LTBP4: variants seen among roughly 807,000 people sequenced by gnomAD.
The protein encoded by LTBP4 is latent transforming growth factor beta binding protein 4.
In LTBP4, 93 loss-of-function variants were observed where a neutral mutation model predicts 180.2. The observed-to-expected ratio is 0.52, with a 90% CI of 0.44 to 0.61. The LOEUF is 0.61. Ranked by LOEUF, LTBP4 falls within the 20% of genes least tolerant of loss-of-function variation. The probability of loss-of-function intolerance (pLI) is 0.00; values close to 1 mark genes in which losing one functional copy is unlikely to be tolerated. For missense variants in LTBP4, 2,116 were observed against 2,256.5 expected, an observed-to-expected ratio of 0.94 and a Z score of 1.26; for synonymous variants, 947 against 934.5, an observed-to-expected ratio of 1.01 and a Z score of -0.24.
At chr19:40,619,533 C>A in intron 22 of LTBP4, 40 bp downstream of exon 22, 1 of 1,557,034 alleles carries the variant, frequency 6.4e-7, no homozygotes. Flanking sequence ...GCGGCTGGCC[C>A]CATGGGAAAA....
At position 40,611,174 on chromosome 19, in the gene LTBP4, C is replaced by G. The variant is rs1484299783; in HGVS notation, c.1833C>G (p.Ser611Arg). The G allele has an allele frequency of 6.2e-7, 1 of 1,613,976 alleles. No individual in the cohort carries two copies. Among genetic ancestry groups the G allele is most frequent in the African/African-American group, 1.3e-5 (1 of 75,046 alleles). ...CAGATGTGGATGAATGCACCCAGAG[C>G]CCAGGCCTGTGTGGCCGAGGGGCCT... is the stretch of plus-strand genomic sequence containing the variant. ...SCQDVDECTQ[S>R]PGLCGRGACK... The change falls in exon 13 of 30, where the codon AGC becomes AGG. Residue 611 changes from serine to arginine, a missense_variant. Transcript: ENST00000396819. This position sits in a 1 kb window ranked among gnomAD's most constrained non-coding sequence, Gnocchi z 4.4.
At chr19:40,600,348 G>A (rs2081415292), upstream of LTBP4, among the ~76,000 whole-genome samples, 1 of 152,206 alleles carries the variant, frequency 6.6e-6, no homozygotes, top group African/African-American at 2.4e-5. This position sits in a 1 kb window ranked among gnomAD's most constrained non-coding sequence, Gnocchi z 4.4. Flanking sequence ...TGCGAGGTGA[G>A]CCCGGGACAG....
At chr19:40,625,102 G>A (rs554751840) in intron 26 of LTBP4, among the ~76,000 whole-genome samples, 11 of 149,794 alleles carry the variant, frequency 7.3e-5, no homozygotes, top group Non-Finnish European at 1.6e-4. Context: ...TTTGAGACAA[G>A]ATCTCGCTCT....
intron 7 of LTBP4, among the ~76,000 whole-genome samples, chr19:40,607,978 C>T (rs1599863310): frequency 6.6e-6 from 1 of 152,204 alleles, no homozygotes; most frequent in African/African-American, 2.4e-5. Flanking sequence ...TAGACCCAAC[C>T]GGACCCTGCC....
intron 1 of LTBP4, chr19:40,594,519 T>G (rs2081380995): frequency 6.6e-6 from 1 of 151,994 alleles, no homozygotes; most frequent in Non-Finnish European, 1.5e-5. Flanking sequence ...GGGAGAAATT[T>G]CAGCAGCGCC....
At chr19:40,627,905 T>A in intron 29 of LTBP4, 48 bp downstream of exon 29, 4 of 1,526,448 alleles carry the variant, frequency 2.6e-6, no homozygotes, top group Non-Finnish European at 3.5e-6. Flanking sequence ...GCGAGGCTTG[T>A]CCAGGGAGGG....
At position 40,605,077 on chromosome 19, in the gene LTBP4, A is replaced by G; in HGVS notation, c.293A>G (p.Lys98Arg). ...LICHNGGVCV[K>R]PDRCLCPPDF... is the part of the protein sequence containing the mutation. ...TGTCACAATGGCGGTGTGTGCGTGA[A>G]GCCTGACCGCTGCCTCTGTCCCCCG... Residue 98 changes from lysine to arginine, a missense_variant, in exon 2 of 30, where the codon AAG (lysine) becomes AGG (arginine). Physicochemically the swap from Lys to Arg is conservative, Grantham distance 26. Coordinates refer to ENST00000396819, the MANE Select transcript of LTBP4 (RefSeq NM_001042545.2). This position sits in a 1 kb window ranked among gnomAD's most constrained non-coding sequence, Gnocchi z 5.5. The G allele has an allele frequency of 1.2e-6, 2 of 1,613,810 alleles. No homozygotes were observed. The highest frequency in any genetic ancestry group is 1.7e-6 in the Non-Finnish European group (2 of 1,179,842).
At chr19:40,626,271 A>G (rs2081633108) in intron 27 of LTBP4, among the ~76,000 whole-genome samples, 1 of 152,048 alleles carries the variant, frequency 6.6e-6, no homozygotes, top group Non-Finnish European at 1.5e-5. Context: ...CTGGTCTCTC[A>G]TATGCTCAGC....
upstream of LTBP4, chr19:40,599,361 A>C: frequency 6.2e-7 from 1 of 1,610,678 alleles, no homozygotes; most frequent in South Asian, 1.1e-5. Flanking sequence ...AGCTGGATGC[A>C]TTTGGTAGAG....
chr19:40,624,476 C>T (rs1599877601), intron 26 of LTBP4, among the ~76,000 whole-genome samples: 1 of 152,328 alleles, frequency 6.6e-6, no homozygotes, highest in East Asian at 1.9e-4. Flanking sequence ...TCACTGCAAC[C>T]TCCACCTCCG....
At chr19:40,612,025 G>A in intron 14 of LTBP4, 41 bp downstream of exon 14, 1 of 1,612,420 alleles carries the variant, frequency 6.2e-7, no homozygotes, top group Non-Finnish European at 8.5e-7. Flanking sequence ...ATGGGTGAGG[G>A]GGGAGTTGGA....
intron 27 of LTBP4, among the ~76,000 whole-genome samples, chr19:40,626,630 T>C (rs1279611042): frequency 1.3e-5 from 2 of 152,036 alleles, no homozygotes; most frequent in African/African-American, 4.8e-5. Flanking sequence ...CTGTCTCCCA[T>C]GCATCCTGCC....
rs1392635131 is a variant in LTBP4, at chr19:40,605,553, A to G, written c.591A>G (p.Ala197=). Residue 197 remains alanine, a synonymous_variant, in exon 3 of 30, where the codon GCA becomes GCG. Transcript: ENST00000396819. This position sits in a 1 kb window ranked among gnomAD's most constrained non-coding sequence, Gnocchi z 5.5. ...RAEAAARAEA[A]APYTVLAQSA... is the part of the protein sequence containing the mutation. ...AAGCGGCGGCGCGGGCGGAGGCGGC[A>G]GCGCCCTACACGGTGTTGGCACAGA... The G allele has an allele frequency of 1.9e-6, 3 of 1,605,020 alleles. No individual in the cohort carries two copies. The highest frequency in any genetic ancestry group is 2.2e-5 in the South Asian group (2 of 90,704).
intron 1 of LTBP4, among the ~76,000 whole-genome samples, chr19:40,593,941 G>A (rs1025942635): frequency 6.6e-6 from 1 of 152,054 alleles, no homozygotes; most frequent in Non-Finnish European, 1.5e-5. Context: ...TTACAGGCGT[G>A]CGCCACCATG....
chr19:40,629,454 C>T lies in LTBP4; in HGVS notation c.4578C>T (p.Cys1526=), dbSNP rs1417379805. ...CCCCGCTGTGCGTCAACGCGCGTTG[C>T]CTCAACACGGATGGCTCCTTCCGCT... The part of the protein sequence containing the change: ...AASPLCVNAR[C]LNTDGSFRCI... Residue 1526 remains cysteine, a synonymous_variant, in exon 30 of 30, where the codon TGC becomes TGT. Transcript: ENST00000396819. The surrounding 1 kb of genome is among the most constrained non-coding windows in gnomAD (Gnocchi z 4.5). 5 of 1,612,120 alleles carry T rather than the reference C, an allele frequency of 3.1e-6. No individual in the cohort carries two copies. Among genetic ancestry groups the T allele is most frequent in the African/African-American group, 1.3e-5 (1 of 74,892 alleles).
intron 29 of LTBP4, among the ~76,000 whole-genome samples, chr19:40,628,144 C>T (rs1192529880): frequency 1.3e-5 from 2 of 152,236 alleles, no homozygotes; most frequent in African/African-American, 4.8e-5. Context: ...CTACCTTGGG[C>T]AGTCTGCAGG....
intron 19 of LTBP4, among the ~76,000 whole-genome samples, chr19:40,615,093 C>T (rs1450276832): frequency 2.0e-5 from 3 of 151,844 alleles, no homozygotes; most frequent in Non-Finnish European, 2.9e-5. Context: ...CTTTCCAGGC[C>T]TTCCCTCCCG....
rs2081621038 is a variant in LTBP4, at chr19:40,625,286, A to ATATT, written c.3833-568_3833-567insTTAT. On this transcript the variant is annotated intron_variant, in intron 26 of 29. Coordinates refer to ENST00000396819, the MANE Select transcript of LTBP4 (RefSeq NM_001042545.2). ...TATATATATATATATATATATATAT[A>ATATT]TATATATATATATATATATATATAT... is the stretch of plus-strand genomic sequence containing the variant. 3.6e-4 allele frequency among the ~76,000 whole-genome samples: 2 copies of ATATT among 5,536 alleles called. 1 individual carries two copies. The allele number at this position is 5,536 out of a possible 152,430, so 3.6% of individuals were successfully genotyped here.
chr19:40,610,394 C>T, intron 11 of LTBP4, 138 bp from the exon 12 acceptor site: 1 of 1,013,230 alleles, frequency 9.9e-7, no homozygotes, highest in Non-Finnish European at 1.4e-6. Flanking sequence ...TGCCCCTCTC[C>T]GGCTGTCCTG....
Sources: allele counts gnomAD v4.1 joint callset (sites outside exome capture counted in the v4.1 genomes callset), GRCh38; gene constraint gnomAD v4.1.1; non-coding constraint Gnocchi (gnomAD v3.1); transcripts MANE v1.5; gene names NCBI Gene and HGNC (gene_info 2026-07-23, HGNC 2026-07-21).